Variants in PIK3R1 observed in about 807,000 individuals in gnomAD.
PIK3R1 encodes phosphatidylinositol 3-kinase regulatory subunit alpha.
In PIK3R1, 29 loss-of-function variants were observed where a neutral mutation model predicts 98.0. The observed-to-expected ratio is 0.30, with a 90% CI of 0.22 to 0.40. PIK3R1 has a LOEUF of 0.40. Ranked by LOEUF, PIK3R1 falls within the 10% of genes least tolerant of loss-of-function variation. PIK3R1 has a pLI of 1.00. For missense variants in PIK3R1, 596 were observed against 872.7 expected, an observed-to-expected ratio of 0.68 and a Z score of 3.99; for synonymous variants, 282 against 311.8, an observed-to-expected ratio of 0.90 and a Z score of 1.01.
At chr5:68,247,344 TCTTTCTGC>T (rs1302024470) in intron 2 of PIK3R1, among the ~76,000 whole-genome samples, 66 of 152,190 alleles carry the variant, frequency 4.3e-4, no homozygotes, top group African/African-American at 1.6e-3. Context: ...TTTCTTTCTG[TCTTTCTGC>T]CTTTCTTTCC....
intron 2 of PIK3R1, among the ~76,000 whole-genome samples, chr5:68,228,621 T>G (rs72757651): frequency 0.018 from 2,746 of 152,326 alleles, 36 homozygotes; most frequent in East Asian, 0.038. Context: ...CCTTTTATTT[T>G]TTTTAAGTTA....
At chr5:68,233,956 T>C (rs1261363032) in intron 2 of PIK3R1, among the ~76,000 whole-genome samples, 1 of 152,250 alleles carries the variant, frequency 6.6e-6, no homozygotes, top group Admixed American at 6.5e-5. Flanking sequence ...GATTATGTAA[T>C]GCCTATAGAT....
chr5:68,290,612 T>C, intron 7 of PIK3R1: 1 of 1,391,280 alleles, frequency 7.2e-7, no homozygotes, highest in Non-Finnish European at 9.4e-7. Flanking sequence ...GGGCGTGTGA[T>C]GTAATAGGTT....
At chr5:68,252,260 C>CAAGT (rs979936887) in intron 2 of PIK3R1, among the ~76,000 whole-genome samples, 2 of 151,934 alleles carry the variant, frequency 1.3e-5, no homozygotes, top group African/African-American at 4.8e-5. Flanking sequence ...TGATGACAGG[C>CAAGT]AAGTACCTAC....
chr5:68,298,436 A>G lies in PIK3R1; in HGVS notation c.*835A>G, dbSNP rs1025002879. The G allele has an allele frequency of 5.1e-5, 12 of 233,206 alleles. No homozygotes were observed. The highest frequency in any genetic ancestry group is 7.6e-5 in the Non-Finnish European group (9 of 117,860). The allele number at this position is 233,206 out of a possible 1,614,324, so 14.4% of individuals were successfully genotyped here. A position where few individuals can be genotyped will look rare whatever the true frequency, so the allele number is the denominator to read the frequency against. The stretch of plus-strand genomic sequence containing the variant: ...AATTCTTAATTTTCATTAAGTTGTT[A>G]TTTCAGTTTTAAATGTACCTTCAGA... On this transcript the variant is annotated 3_prime_UTR_variant, in exon 16 of 16. Coordinates refer to ENST00000521381, the MANE Select transcript of PIK3R1 (RefSeq NM_181523.3).
chr5:68,295,624 AGT>A, intron 14 of PIK3R1, 136 bp downstream of exon 14: 2 of 729,154 alleles, frequency 2.7e-6, no homozygotes, highest in Non-Finnish European at 4.8e-6. Flanking sequence ...GTATAAACTC[AGT>A]GCCATTATCC....
At chr5:68,292,655 A>G in intron 8 of PIK3R1, 2 of 1,332,118 alleles carry the variant, frequency 1.5e-6, no homozygotes, top group East Asian at 3.4e-5. Context: ...ATTAAGCACA[A>G]CTCTAAGAAT....
At chr5:68,227,187 G>A (rs1458506926) in intron 2 of PIK3R1, among the ~76,000 whole-genome samples, 178 bp downstream of exon 2, 1 of 152,228 alleles carries the variant, frequency 6.6e-6, no homozygotes, top group Non-Finnish European at 1.5e-5. Flanking sequence ...ATTTGTGTTT[G>A]TGGGGTTGGA....
chr5:68,258,247 C>T (rs961420693), intron 2 of PIK3R1, among the ~76,000 whole-genome samples: 1 of 152,154 alleles, frequency 6.6e-6, no homozygotes, highest in Non-Finnish European at 1.5e-5. Context: ...CCAGAATGCA[C>T]TTTATATTAT....
At position 68,294,592 on chromosome 5, in the gene PIK3R1, TGAA is replaced by T; in HGVS notation, c.1486_1488del (p.Glu496del). ...CATTTAATGAAACCATAAAAATATT[TGAA>T]GAACAGTGCCAGACCCAAGAGCGGT... On this transcript the variant is annotated inframe_deletion, in exon 12 of 16. Transcript: ENST00000521381. The T allele has an allele frequency of 6.2e-7, 1 of 1,612,104 alleles. No individual in the cohort carries two copies. Among genetic ancestry groups the T allele is most frequent in the Non-Finnish European group, 8.5e-7 (1 of 1,178,732 alleles).
At chr5:68,238,969 A>C in intron 2 of PIK3R1, among the ~76,000 whole-genome samples, 1 of 137,998 alleles carries the variant, frequency 7.2e-6, no homozygotes, top group East Asian at 2.0e-4. Flanking sequence ...TTCTAGCAAT[A>C]AATGCCAAAA....
At chr5:68,244,603 G>T (rs909783544) in intron 2 of PIK3R1, among the ~76,000 whole-genome samples, 6 of 135,330 alleles carry the variant, frequency 4.4e-5, no homozygotes, top group African/African-American at 1.6e-4. Flanking sequence ...AAAAAAAAAA[G>T]AGTTTTAGCT....
chr5:68,244,340 T>C (rs1399428142), intron 2 of PIK3R1, among the ~76,000 whole-genome samples: 5 of 152,164 alleles, frequency 3.3e-5, no homozygotes, highest in African/African-American at 1.2e-4. Flanking sequence ...CTTGACTAAA[T>C]GGATCATAAT....
In PIK3R1 at chr5:68,300,321, A is replaced by C. The variant is rs1031669464; in HGVS notation, c.*2720A>C. ...GCCCACCGCATTTGTCGTTTTAGATACTTTGCTAGCCGGCCACTTTGGATT... is the reference window on the plus strand; with the variant it reads ...GCCCACCGCATTTGTCGTTTTAGATCCTTTGCTAGCCGGCCACTTTGGATT... On this transcript the variant is annotated 3_prime_UTR_variant, in exon 16 of 16. Coordinates refer to ENST00000521381, the MANE Select transcript of PIK3R1 (RefSeq NM_181523.3). 3.0e-5 allele frequency: 7 copies of C among 233,114 alleles called. No homozygotes were observed. The highest frequency in any genetic ancestry group is 1.8e-4 in the South Asian group (1 of 5,524). 14.4% of individuals were successfully genotyped at this position (233,114 alleles called of 1,614,324 possible).
At chr5:68,257,248 C>T (rs77345413) in intron 2 of PIK3R1, among the ~76,000 whole-genome samples, 2,135 of 152,324 alleles carry the variant, frequency 0.014, 27 homozygotes, top group Non-Finnish European at 0.019. Context: ...CCATGAAGTT[C>T]CCCCGACCCA....
chr5:68,276,133 T>C (rs1355784472), intron 4 of PIK3R1, among the ~76,000 whole-genome samples: 2 of 152,342 alleles, frequency 1.3e-5, no homozygotes, highest in Admixed American at 1.3e-4. Context: ...TCATGCAAGT[T>C]TTAATGATTC....
At chr5:68,220,202 A>G (rs142702326) in intron 1 of PIK3R1, among the ~76,000 whole-genome samples, 2,379 of 152,324 alleles carry the variant, frequency 0.016, 60 homozygotes, top group African/African-American at 0.054. Context: ...CTGAGGTTAC[A>G]TATTTAGGCA....
intron 7 of PIK3R1, among the ~76,000 whole-genome samples, chr5:68,286,470 CAA>C (rs1561292485): frequency 6.6e-6 from 1 of 152,114 alleles, no homozygotes; most frequent in African/African-American, 2.4e-5. Context: ...GGTTTTCTCC[CAA>C]AGCAGGAATT....
Position 68,273,845 on chromosome 5 carries a change from G to A in PIK3R1, c.428-94G>A. The stretch of plus-strand genomic sequence containing the variant: ...TTGGTACACATCTAGAACAGATACT[G>A]GATGGAAACTGGAATGTCTCTGGCA... On this transcript the variant is annotated intron_variant, in intron 3 of 15. Coordinates refer to ENST00000521381, the MANE Select transcript of PIK3R1 (RefSeq NM_181523.3). 4.4e-6 allele frequency: 4 copies of A among 917,560 alleles called. No individual in the cohort carries two copies. In the South Asian group the frequency reaches 5.3e-5, roughly 12 times the overall value. The allele number at this position is 917,560 out of a possible 1,614,324, so 56.8% of individuals were successfully genotyped here.
Sources: allele counts gnomAD v4.1 joint callset (sites outside exome capture counted in the v4.1 genomes callset), GRCh38; gene constraint gnomAD v4.1.1; transcripts MANE v1.5; gene names NCBI Gene and HGNC (gene_info 2026-07-23, HGNC 2026-07-21).